EFNA5: variants seen among roughly 807,000 people sequenced by gnomAD.
EFNA5 encodes the protein ephrin-A5.
A neutral mutation model predicts 22.9 loss-of-function variants in EFNA5; 5 were observed. That is an observed-to-expected ratio of 0.22 (90% confidence interval 0.11 to 0.46). The LOEUF is 0.46. EFNA5 is among the 20% of genes least tolerant of loss of function. EFNA5 has a pLI of 0.99. For synonymous variants in EFNA5, 113 were observed against 112.2 expected, an observed-to-expected ratio of 1.01 and a Z score of -0.04; for missense variants, 237 against 293.3, an observed-to-expected ratio of 0.81 and a Z score of 1.40.
chr5:107,581,572 C>T (rs1749073928), intron 1 of EFNA5, among the ~76,000 whole-genome samples: 1 of 152,202 alleles, frequency 6.6e-6, no homozygotes, highest in Non-Finnish European at 1.5e-5. Flanking sequence ...CCAAGTGCTG[C>T]TAGAGCCTTC....
At chr5:107,391,668 T>C (rs1157139870) in intron 2 of EFNA5, among the ~76,000 whole-genome samples, 4 of 152,332 alleles carry the variant, frequency 2.6e-5, no homozygotes, top group South Asian at 2.1e-4. Context: ...AAAGTGTAAG[T>C]TGGAGTCAGG....
At chr5:107,664,398 G>A (rs1435403091) in intron 1 of EFNA5, among the ~76,000 whole-genome samples, 1 of 152,080 alleles carries the variant, frequency 6.6e-6, no homozygotes, top group Non-Finnish European at 1.5e-5. Flanking sequence ...AAATCTCCTA[G>A]TAGTGAGTAA....
At chr5:107,457,550 A>T (rs1162046224) in intron 1 of EFNA5, among the ~76,000 whole-genome samples, 3 of 152,160 alleles carry the variant, frequency 2.0e-5, no homozygotes, top group African/African-American at 7.2e-5. Context: ...GGCAAGAAAA[A>T]AGTCTGTACA....
chr5:107,540,106 T>TG (rs567236692), intron 1 of EFNA5, among the ~76,000 whole-genome samples: 263 of 147,734 alleles, frequency 1.8e-3, no homozygotes, highest in African/African-American at 6.4e-3. Context: ...ATCTGACAGA[T>TG]GGACTCAAGG....
intron 1 of EFNA5, among the ~76,000 whole-genome samples, chr5:107,589,637 G>A (rs1175859816): frequency 6.6e-6 from 1 of 152,132 alleles, no homozygotes; most frequent in Admixed American, 6.5e-5. Context: ...CTCCCACAAT[G>A]CGGAGTGAAA....
chr5:107,575,224 G>C (rs1748902915), intron 1 of EFNA5, among the ~76,000 whole-genome samples: 1 of 152,158 alleles, frequency 6.6e-6, no homozygotes, highest in African/African-American at 2.4e-5. Flanking sequence ...TCCACCAACA[G>C]ATAAGAAGTG....
intron 1 of EFNA5, among the ~76,000 whole-genome samples, chr5:107,471,048 T>C (rs1223564638): frequency 2.0e-5 from 3 of 152,164 alleles, no homozygotes; most frequent in African/African-American, 7.2e-5. Context: ...ATGCAATTAG[T>C]ATAATTACCT....
chr5:107,400,777 G>T (rs1170748688), intron 2 of EFNA5, among the ~76,000 whole-genome samples: 1 of 152,220 alleles, frequency 6.6e-6, no homozygotes, highest in African/African-American at 2.4e-5. Context: ...GATCTTCACA[G>T]ATTGATTTGC....
chr5:107,419,932 C>T (rs1011604960), intron 2 of EFNA5, among the ~76,000 whole-genome samples: 3 of 152,308 alleles, frequency 2.0e-5, no homozygotes, highest in Admixed American at 6.5e-5. Flanking sequence ...ACTTACAAGT[C>T]ATTTCCCCTG....
intron 1 of EFNA5, among the ~76,000 whole-genome samples, chr5:107,504,618 G>A (rs1747213319): frequency 1.3e-5 from 2 of 152,036 alleles, no homozygotes; most frequent in African/African-American, 4.8e-5. Flanking sequence ...CATTACCCTG[G>A]GCAAATCATT....
In EFNA5 at chr5:107,380,202, T is replaced by G. The variant is rs1283980474; in HGVS notation, c.*1053A>C. The G allele has an allele frequency of 6.6e-6, 1 of 151,826 alleles. No homozygotes were observed. Among genetic ancestry groups the G allele is most frequent in the Non-Finnish European group, 1.5e-5 (1 of 68,096 alleles). The allele number at this position is 151,826 out of a possible 1,614,324, so 9.4% of individuals were successfully genotyped here. A position where few individuals can be genotyped will look rare whatever the true frequency, so the allele number is the denominator to read the frequency against. On this transcript the variant is annotated 3_prime_UTR_variant, in exon 5 of 5. Coordinates refer to ENST00000333274, the MANE Select transcript of EFNA5 (RefSeq NM_001962.3). ...GAGGCGGGGAAAGGCCACAGCACAC[T>G]GGCGCTCCAGCAAAGCCAAATCATG... is the stretch of plus-strand genomic sequence containing the variant.
intron 4 of EFNA5, among the ~76,000 whole-genome samples, chr5:107,385,508 A>G (rs1230062304): frequency 5.9e-5 from 9 of 152,186 alleles, no homozygotes; most frequent in Admixed American, 5.9e-4. Flanking sequence ...GCTTCTTAAC[A>G]AAGACAAGAG....
intron 1 of EFNA5, among the ~76,000 whole-genome samples, chr5:107,430,774 C>CTTTTTT (rs869266799): frequency 2.8e-3 from 57 of 20,302 alleles, no homozygotes; most frequent in African/African-American, 4.7e-3. Context: ...TTCTTTCTTT[C>CTTTTTT]TTTTTTTTTT....
At chr5:107,498,162 T>C (rs1046596572) in intron 1 of EFNA5, among the ~76,000 whole-genome samples, 1 of 152,172 alleles carries the variant, frequency 6.6e-6, no homozygotes, top group African/African-American at 2.4e-5. Flanking sequence ...GTGATCCGCC[T>C]TTCTCGGCCT....
At chr5:107,655,199 G>A (rs1013780073) in intron 1 of EFNA5, among the ~76,000 whole-genome samples, 1 of 152,106 alleles carries the variant, frequency 6.6e-6, no homozygotes, top group Non-Finnish European at 1.5e-5. Context: ...GGGAGTGACT[G>A]TAACTAATAT....
intron 1 of EFNA5, among the ~76,000 whole-genome samples, chr5:107,598,289 CCT>C (rs1189848389): frequency 6.6e-6 from 1 of 152,024 alleles, no homozygotes. Context: ...GCAGTCCTGC[CCT>C]GAGTCCTGCA....
intron 1 of EFNA5, among the ~76,000 whole-genome samples, chr5:107,650,700 T>C (rs762677032): frequency 2.6e-5 from 4 of 152,208 alleles, no homozygotes; most frequent in Non-Finnish European, 5.9e-5. Flanking sequence ...GACTGTATGA[T>C]TGCTAAATTC....
intron 1 of EFNA5, among the ~76,000 whole-genome samples, chr5:107,435,304 C>A (rs1749078865): frequency 7.4e-6 from 1 of 134,342 alleles, no homozygotes. Context: ...TATTCTAAAT[C>A]TGAAGATGCT....
chr5:107,417,682 A>G (rs1580437486), intron 2 of EFNA5, among the ~76,000 whole-genome samples: 1 of 152,218 alleles, frequency 6.6e-6, no homozygotes, highest in Admixed American at 6.5e-5. Flanking sequence ...GTAGGGAGCA[A>G]GGATGAGTTG....
Sources: allele counts gnomAD v4.1 joint callset (sites outside exome capture counted in the v4.1 genomes callset), GRCh38; gene constraint gnomAD v4.1.1; transcripts MANE v1.5; gene names NCBI Gene and HGNC (gene_info 2026-07-23, HGNC 2026-07-21).